Variants in PDE4D observed in about 807,000 individuals in gnomAD.
PDE4D encodes the protein 3',5'-cyclic-AMP phosphodiesterase 4D.
Under a neutral mutation model 87.4 loss-of-function variants are expected in PDE4D, and 24 were observed. The ratio of observed to expected loss-of-function variants is 0.27; its 90% CI spans 0.20 to 0.39. The LOEUF is 0.39. PDE4D is among the 10% of genes least tolerant of loss of function. The pLI, the probability that PDE4D is intolerant of heterozygous loss-of-function variation, is 1.00. For synonymous variants in PDE4D, 384 were observed against 383.2 expected (o/e 1.00, Z -0.02); for missense variants, 714 against 1,041.0 (o/e 0.69, Z 4.32).
chr5:59,324,026 G>A (rs1775189897), intron 1 of PDE4D, among the ~76,000 whole-genome samples: 1 of 151,948 alleles, frequency 6.6e-6, no homozygotes, highest in Non-Finnish European at 1.5e-5. Context: ...CCAGTCATTT[G>A]CACATGATAC....
chr5:58,982,274 C>G (rs565845207), intron 11 of PDE4D, among the ~76,000 whole-genome samples: 93 of 152,258 alleles, frequency 6.1e-4, no homozygotes, highest in Admixed American at 1.5e-3. Flanking sequence ...GCCTTTATGG[C>G]CTTCTGGAGA....
rs1582968821 is a variant in PDE4D at position 59,522,344 on chromosome 5, G to A, written c.456-306376C>T. 3.9e-5 allele frequency among the ~76,000 whole-genome samples: 6 copies of A among 152,288 alleles called. 1 individual carries two copies. In the South Asian group the frequency reaches 1.2e-3, roughly 32 times the overall value. On this transcript the variant is annotated intron_variant, in intron 1 of 14. Transcript: ENST00000340635. ...AAATACCCTTACAGGTATACTCAGG[G>A]CACTGGAGTGCACTTTATGCTCCAA... is the stretch of plus-strand genomic sequence containing the variant.
chr5:60,301,609 A>C (rs1753899381), intron 1 of PDE4D, among the ~76,000 whole-genome samples: 1 of 152,162 alleles, frequency 6.6e-6, no homozygotes, highest in Non-Finnish European at 1.5e-5. Context: ...TTTTGGGCTG[A>C]AACTATCTGT....
At chr5:59,944,006 C>A (rs1304646147) in intron 3 of PDE4D, among the ~76,000 whole-genome samples, 1 of 152,192 alleles carries the variant, frequency 6.6e-6, no homozygotes, top group Non-Finnish European at 1.5e-5. Context: ...AAAATGCTGA[C>A]ATATCTATGC....
In PDE4D at chr5:59,244,234, C is replaced by A. The variant is rs567698321; in HGVS notation, c.456-28266G>T. Among the ~76,000 whole-genome samples, 248 of 151,846 alleles carry A rather than the reference C, an allele frequency of 1.6e-3. 1 individual carries two copies. Among genetic ancestry groups the A allele is most frequent in the African/African-American group, 5.7e-3 (237 of 41,436 alleles). On this transcript the variant is annotated intron_variant, in intron 1 of 14. Coordinates refer to ENST00000340635, the MANE Select transcript of PDE4D (RefSeq NM_001104631.2). ...GCAACATGGTGACACCCTGTCTCCA[C>A]TAAAAATTCAAAAATTAGTTGGGTG...
intron 3 of PDE4D, among the ~76,000 whole-genome samples, chr5:59,915,348 A>G (rs1452508439): frequency 6.6e-6 from 1 of 152,176 alleles, no homozygotes; most frequent in Non-Finnish European, 1.5e-5. Flanking sequence ...AAGAATAGAA[A>G]TGGTCCCAGA....
chr5:60,179,477 G>A (rs1562189217), intron 2 of PDE4D, among the ~76,000 whole-genome samples: 1 of 151,934 alleles, frequency 6.6e-6, no homozygotes, highest in Admixed American at 6.6e-5. Flanking sequence ...TGATGATTTG[G>A]TTTGGATTTT....
At chr5:59,364,905 T>C (rs1242448851) in intron 1 of PDE4D, among the ~76,000 whole-genome samples, 1 of 151,828 alleles carries the variant, frequency 6.6e-6, no homozygotes, top group African/African-American at 2.4e-5. Flanking sequence ...TCCTTCCTTC[T>C]ACTCACAAAT....
At chr5:60,384,060 G>A (rs1270622895) in intron 1 of PDE4D, among the ~76,000 whole-genome samples, 1 of 152,052 alleles carries the variant, frequency 6.6e-6, no homozygotes, top group Non-Finnish European at 1.5e-5. Flanking sequence ...ATTCAAAGGG[G>A]CATCAGCTAT....
intron 2 of PDE4D, among the ~76,000 whole-genome samples, chr5:60,178,976 A>G (rs754743866): frequency 6.6e-6 from 1 of 152,144 alleles, no homozygotes; most frequent in Non-Finnish European, 1.5e-5. Context: ...CGTAGATTGT[A>G]TTAAATTCAG....
At chr5:60,019,960 T>G (rs1414976291) in intron 2 of PDE4D, among the ~76,000 whole-genome samples, 1 of 152,188 alleles carries the variant, frequency 6.6e-6, no homozygotes, top group Non-Finnish European at 1.5e-5. Context: ...CCAGCCTATT[T>G]CAGCTTTCAA....
chr5:59,723,832 C>T (rs1276797103), intron 1 of PDE4D, among the ~76,000 whole-genome samples: 4 of 152,124 alleles, frequency 2.6e-5, no homozygotes, highest in African/African-American at 9.7e-5. Context: ...AAAGCAGAAG[C>T]CACTGGTTAA....
At chr5:59,373,685 C>G (rs1035515275) in intron 1 of PDE4D, among the ~76,000 whole-genome samples, 28 of 152,104 alleles carry the variant, frequency 1.8e-4, no homozygotes, top group African/African-American at 6.5e-4. Flanking sequence ...TGCAGAAACT[C>G]CTGGTAAGGT....
rs569277106 is a variant in PDE4D at position 60,413,966 on chromosome 5, C to G, written c.-90+73976G>C. 4.3e-4 allele frequency among the ~76,000 whole-genome samples: 66 copies of G among 152,218 alleles called. 1 individual carries two copies. Among genetic ancestry groups the G allele is most frequent in the Non-Finnish European group, 5.9e-5 (4 of 68,020 alleles). On this transcript the variant is annotated intron_variant, in intron 1 of 16. Coordinates refer to the PDE4D transcript ENST00000502484. ...ACAGTTCTAAAATAGAAAACAGAAC[C>G]GATGCCCTATGTCTTACAATTAATT...
chr5:59,493,652 T>C (rs1806625114), intron 1 of PDE4D, among the ~76,000 whole-genome samples: 1 of 152,238 alleles, frequency 6.6e-6, no homozygotes, highest in African/African-American at 2.4e-5. Flanking sequence ...AGAGACCAAA[T>C]GATAGGTGTC....
intron 1 of PDE4D, among the ~76,000 whole-genome samples, chr5:60,378,540 C>A (rs756500820): frequency 6.6e-6 from 1 of 151,968 alleles, no homozygotes; most frequent in East Asian, 1.9e-4. Context: ...AAAATAGAAA[C>A]ATAAGTAAAA....
intron 1 of PDE4D, among the ~76,000 whole-genome samples, chr5:60,465,132 ATAAT>A (rs1321981798): frequency 1.3e-5 from 2 of 151,924 alleles, no homozygotes; most frequent in African/African-American, 4.8e-5. Flanking sequence ...ATAAAAATAA[ATAAT>A]TAAATAAAAA....
chr5:60,407,444 C>CT (rs70975385), intron 1 of PDE4D, among the ~76,000 whole-genome samples: 7,376 of 80,200 alleles, frequency 0.092, 1,722 homozygotes, highest in African/African-American at 0.23. Flanking sequence ...TTTCTTTTTC[C>CT]TTTTTTTTTT....
intron 1 of PDE4D, among the ~76,000 whole-genome samples, chr5:59,766,855 A>C (rs1400572100): frequency 1.3e-5 from 2 of 152,258 alleles, no homozygotes; most frequent in Non-Finnish European, 2.9e-5. Flanking sequence ...GCTTTAAGAC[A>C]GAAAAAGTCA....
Sources: gnomAD v4.1 joint callset for allele counts (sites outside exome capture counted in the v4.1 genomes callset) on GRCh38, gnomAD v4.1.1 for gene constraint, MANE v1.5 for transcripts, NCBI Gene and HGNC (gene_info 2026-07-23, HGNC 2026-07-21) for gene names.